DPH6: variants seen among roughly 807,000 people sequenced by gnomAD.
DPH6 encodes diphthamine biosynthesis 6, also known as diphthine--ammonia ligase.
A neutral mutation model predicts 38.2 loss-of-function variants in DPH6; 33 were observed. The ratio of observed to expected loss-of-function variants is 0.86; its 90% CI spans 0.65 to 1.15. DPH6 has a LOEUF of 1.15. DPH6 is among the 50% of genes most tolerant of loss of function. The pLI is 0.00. For missense variants in DPH6, 325 were observed against 320.0 expected (o/e 1.02, Z -0.12); for synonymous variants, 108 against 103.0 (o/e 1.05, Z -0.30).
chr15:35,500,860 C>T lies in DPH6; in HGVS notation c.312+37414G>A, dbSNP rs191962467. ...TGCAACCTCTGCCTCCCAGGTTCTC[C>T]CTCCTGAGTAGCTGGGATTACAGGC... On this transcript the variant is annotated intron_variant, in intron 3 of 8. Transcript: ENST00000256538. 1.1e-3 allele frequency among the ~76,000 whole-genome samples: 167 copies of T among 152,126 alleles called. 1 individual carries two copies. The highest frequency in any genetic ancestry group is 9.9e-3 in the Admixed American group (151 of 15,266).
At chr15:35,277,068 C>A (rs551972027) in intron 3 of DPH6, among the ~76,000 whole-genome samples, 4 of 152,156 alleles carry the variant, frequency 2.6e-5, no homozygotes, top group Non-Finnish European at 4.4e-5. Flanking sequence ...GAGCATGGAA[C>A]GTGTTTCTAT....
At chr15:35,336,994 T>G (rs1595485782) in intron 3 of DPH6, among the ~76,000 whole-genome samples, 1 of 152,196 alleles carries the variant, frequency 6.6e-6, no homozygotes, top group Non-Finnish European at 1.5e-5. Context: ...TCTTTTTCTA[T>G]TGATTGGAAT....
intron 3 of DPH6, among the ~76,000 whole-genome samples, chr15:35,499,949 C>T (rs1353458594): frequency 6.6e-6 from 1 of 152,174 alleles, no homozygotes; most frequent in Non-Finnish European, 1.5e-5. Flanking sequence ...ATCATCCAGT[C>T]TTCCAGGTGT....
rs535639351 is a variant in DPH6, at chr15:35,224,542, G to A, written n.201-3960C>T. ...AAGCTGCTACGAACATTCATGTATT[G>A]GTTTTTTAATAAATGTAAGTTTCAA... On this transcript the variant is annotated intron_variant and non_coding_transcript_variant, in intron 3 of 3. Coordinates refer to the DPH6 transcript ENST00000560386. 6.6e-5 allele frequency among the ~76,000 whole-genome samples: 10 copies of A among 152,244 alleles called. 1 individual carries two copies. Among genetic ancestry groups the A allele is most frequent in the East Asian group, 5.8e-4 (3 of 5,164 alleles).
chr15:35,383,624 A>ATT (rs2052901889), intron 6 of DPH6, among the ~76,000 whole-genome samples: 1 of 152,218 alleles, frequency 6.6e-6, no homozygotes, highest in Non-Finnish European at 1.5e-5. Context: ...CTGATTCACC[A>ATT]GTATTGACAC....
At chr15:35,464,687 C>A (rs2054106949) in intron 3 of DPH6, among the ~76,000 whole-genome samples, 1 of 152,122 alleles carries the variant, frequency 6.6e-6, no homozygotes, top group Admixed American at 6.5e-5. Flanking sequence ...TTAAACAACC[C>A]ATCAATAAGG....
At chr15:35,530,549 T>C (rs949627226) in intron 3 of DPH6, among the ~76,000 whole-genome samples, 4 of 152,090 alleles carry the variant, frequency 2.6e-5, no homozygotes, top group Non-Finnish European at 1.5e-5. Flanking sequence ...AAAAGATAAA[T>C]ACAAAGGGTA....
intron 3 of DPH6, among the ~76,000 whole-genome samples, chr15:35,341,267 C>A (rs550911416): frequency 2.6e-5 from 4 of 152,202 alleles, no homozygotes; most frequent in African/African-American, 9.6e-5. Context: ...TGGCTATCAG[C>A]TCCTGTACTG....
chr15:35,295,915 T>C (rs532368364), intron 3 of DPH6, among the ~76,000 whole-genome samples: 1 of 151,904 alleles, frequency 6.6e-6, no homozygotes, highest in South Asian at 2.1e-4. Context: ...ACTATGTCTA[T>C]TTTATTTTAT....
chr15:35,462,328 A>G (rs1037945225), intron 3 of DPH6, among the ~76,000 whole-genome samples: 4 of 152,178 alleles, frequency 2.6e-5, no homozygotes, highest in Non-Finnish European at 5.9e-5. Context: ...CCCAATTCAA[A>G]ATCCTTCAGT....
intron 3 of DPH6, among the ~76,000 whole-genome samples, chr15:35,534,792 T>C (rs1425908484): frequency 6.6e-6 from 1 of 152,238 alleles, no homozygotes; most frequent in Admixed American, 6.5e-5. Context: ...ACTGCAATTC[T>C]ATTGGCTTTG....
chr15:35,158,289 T>G, the DPH6 span, among the ~76,000 whole-genome samples: 3 of 152,140 alleles, frequency 2.0e-5, no homozygotes, highest in African/African-American at 7.2e-5. Context: ...TATATCTTGA[T>G]TGGCTATATA....
chr15:35,476,531 T>G (rs1183496549), intron 3 of DPH6, among the ~76,000 whole-genome samples: 1 of 151,862 alleles, frequency 6.6e-6, no homozygotes, highest in Non-Finnish European at 1.5e-5. Flanking sequence ...AATCTAAAGT[T>G]TTTAAAAAAT....
intron 3 of DPH6, among the ~76,000 whole-genome samples, chr15:35,223,751 A>G (rs11858105): frequency 0.16 from 23,682 of 152,014 alleles, 2,180 homozygotes; most frequent in South Asian, 0.29. Flanking sequence ...ATAGCAATGA[A>G]CCAATATTAA....
At chr15:35,204,229 T>A in the DPH6 span, among the ~76,000 whole-genome samples, 1 of 151,772 alleles carries the variant, frequency 6.6e-6, no homozygotes, top group African/African-American at 2.4e-5. Flanking sequence ...TCAATTACTA[T>A]CATCCTGTCT....
At chr15:35,447,242 A>G (rs1374296883) in intron 5 of DPH6, among the ~76,000 whole-genome samples, 1 of 152,194 alleles carries the variant, frequency 6.6e-6, no homozygotes, top group Non-Finnish European at 1.5e-5. Context: ...CAGTTAGGTG[A>G]GCATCAAATT....
the DPH6 span, among the ~76,000 whole-genome samples, chr15:35,152,754 C>T: frequency 1.3e-5 from 2 of 152,206 alleles, no homozygotes; most frequent in Non-Finnish European, 2.9e-5. Flanking sequence ...CCACCTTGGC[C>T]TCCCAAAGTG....
intron 3 of DPH6, chr15:35,237,257 G>C: frequency 1.4e-6 from 2 of 1,399,360 alleles, no homozygotes; most frequent in Non-Finnish European, 2.0e-6. Flanking sequence ...CCTTGAAAGT[G>C]CTAAAACGCG....
intron 3 of DPH6, among the ~76,000 whole-genome samples, chr15:35,254,507 A>G (rs2051694508): frequency 6.6e-6 from 1 of 152,222 alleles, no homozygotes; most frequent in African/African-American, 2.4e-5. Flanking sequence ...TGGTTTTAAA[A>G]TACAAAAAAA....
Sources: allele counts gnomAD v4.1 joint callset (sites outside exome capture counted in the v4.1 genomes callset), GRCh38; gene constraint gnomAD v4.1.1; transcripts MANE v1.5; gene names NCBI Gene and HGNC (gene_info 2026-07-23, HGNC 2026-07-21).